ATP6V0A4: variants seen among roughly 807,000 people sequenced by gnomAD.
The protein encoded by ATP6V0A4 is ATPase H+ transporting V0 subunit a4, also known as V-type proton ATPase 116 kDa subunit a 4.
Under a neutral mutation model 107.3 loss-of-function variants are expected in ATP6V0A4, and 86 were observed. The ratio of observed to expected loss-of-function variants is 0.80; its 90% CI spans 0.67 to 0.96. The LOEUF (loss-of-function observed/expected upper bound fraction) is 0.96, where lower values mean the gene tolerates loss of function less well. ATP6V0A4 is among the 40% of genes least tolerant of loss of function. The pLI is 0.00. For missense variants in ATP6V0A4, 908 were observed against 1,045.6 expected, an observed-to-expected ratio of 0.87 and a Z score of 1.81; for synonymous variants, 353 against 381.4, an observed-to-expected ratio of 0.93 and a Z score of 0.87.
chr7:138,785,175 A>G (rs1005913998), intron 2 of ATP6V0A4, among the ~76,000 whole-genome samples: 1 of 152,252 alleles, frequency 6.6e-6, no homozygotes, highest in Non-Finnish European at 1.5e-5. Context: ...CTTTTCTAAA[A>G]AGAGCATCTG....
intron 14 of ATP6V0A4, among the ~76,000 whole-genome samples, chr7:138,740,746 T>A (rs2117259942): frequency 6.6e-6 from 1 of 151,574 alleles, no homozygotes; most frequent in South Asian, 2.1e-4. Flanking sequence ...GGCCCAGAAA[T>A]TTCTTACTCT....
chr7:138,716,987 T>C (rs1053616326), intron 19 of ATP6V0A4, among the ~76,000 whole-genome samples: 7 of 152,180 alleles, frequency 4.6e-5, no homozygotes, highest in African/African-American at 1.7e-4. Context: ...TGCAGTGGTA[T>C]CGTGGGAACA....
intron 20 of ATP6V0A4, among the ~76,000 whole-genome samples, chr7:138,710,858 G>C (rs1211076867): frequency 6.6e-6 from 1 of 152,076 alleles, no homozygotes; most frequent in African/African-American, 2.4e-5. Context: ...AGTTTCAGGG[G>C]ATTTACAGAA....
chr7:138,747,603 C>T (rs768480982), intron 12 of ATP6V0A4, 39 bp from the exon 13 acceptor site: 2 of 1,609,188 alleles, frequency 1.2e-6, no homozygotes, highest in Non-Finnish European at 1.7e-6. Flanking sequence ...GGCCTCAGCA[C>T]AGCCTCGGGG....
intron 1 of ATP6V0A4, among the ~76,000 whole-genome samples, chr7:138,792,885 A>T (rs2130235521): frequency 6.6e-6 from 1 of 152,022 alleles, no homozygotes; most frequent in South Asian, 2.1e-4. Flanking sequence ...GGTTTTAGAA[A>T]AGTTGAAAGT....
At chr7:138,771,302 T>C in intron 2 of ATP6V0A4, 38 bp from the exon 3 acceptor site, 2 of 1,604,552 alleles carry the variant, frequency 1.2e-6, no homozygotes, top group South Asian at 1.1e-5. Context: ...ATATTTAAGG[T>C]AATAAATGTG....
rs1032095358 is a variant in ATP6V0A4 at position 138,769,022 on chromosome 7, A to C, written c.197-148T>G. On this transcript the variant is annotated intron_variant, in intron 4 of 21. Transcript: ENST00000310018. ...CCACAGCACCTGGATCCCACCCCCA[A>C]CCTCCCCCATTCCCTCCAGGTGGGC... 9.6e-6 allele frequency: 15 copies of C among 1,562,780 alleles called. No homozygotes were observed. The Middle Eastern group carries it at 5.0e-4, about 52-fold the overall frequency.
At chr7:138,771,008 C>G in intron 3 of ATP6V0A4, 123 bp downstream of exon 3, 2 of 1,031,746 alleles carry the variant, frequency 1.9e-6, no homozygotes, top group East Asian at 4.8e-5. Context: ...AGAATTTCAT[C>G]GATTCCAGCT....
At chr7:138,735,999 T>TCA (rs1327181906) in intron 15 of ATP6V0A4, among the ~76,000 whole-genome samples, 1,702 of 151,236 alleles carry the variant, frequency 0.011, no homozygotes, top group Middle Eastern at 0.031. Flanking sequence ...ACCCAGGAGG[T>TCA]GGAGGCTGTG....
intron 14 of ATP6V0A4, among the ~76,000 whole-genome samples, chr7:138,744,385 G>A (rs1011668900): frequency 1.4e-4 from 21 of 151,580 alleles, no homozygotes; most frequent in Non-Finnish European, 1.6e-4. Flanking sequence ...TTACAGGCAT[G>A]TGCCACCATG....
intron 21 of ATP6V0A4, among the ~76,000 whole-genome samples, chr7:138,707,373 A>ATTTATATATATATTATATTATATATAT (rs1262732652): frequency 1.0e-5 from 1 of 97,682 alleles, no homozygotes; most frequent in South Asian, 2.9e-4. Context: ...TTATATATAT[A>ATTTATATATATATTATATTATATATAT]TTTATATATA....
At chr7:138,710,051 G>T (rs1803661045) in intron 20 of ATP6V0A4, among the ~76,000 whole-genome samples, 1 of 151,900 alleles carries the variant, frequency 6.6e-6, no homozygotes, top group South Asian at 2.1e-4. Context: ...TTTGAGACAG[G>T]TTCTCACTGT....
At position 138,749,277 on chromosome 7, in the gene ATP6V0A4, A is replaced by C; in HGVS notation, c.1070T>G (p.Val357Gly). 6.2e-7 allele frequency: 1 copy of C among 1,612,322 alleles called. No individual in the cohort carries two copies. Among genetic ancestry groups the C allele is most frequent in the Non-Finnish European group, 8.5e-7 (1 of 1,179,322 alleles). ...GSSMAPIMTTVQSKTAPPTFN... is the reference protein window; with the variant it reads ...GSSMAPIMTTGQSKTAPPTFN... ...TGTGGGAGGGGCTGTTTTAGATTGC[A>C]CTGTGGTCATGATGGGGGCCATGGA... Residue 357 changes from valine to glycine, a missense_variant, in exon 12 of 22, where the codon GTG becomes GGG. Physicochemically the swap from Val to Gly is moderately radical, Grantham distance 109. Transcript: ENST00000310018.
intron 3 of ATP6V0A4, among the ~76,000 whole-genome samples, chr7:138,770,274 A>G (rs1162091425): frequency 6.9e-6 from 1 of 145,764 alleles, no homozygotes; most frequent in Non-Finnish European, 1.5e-5. Context: ...GAAGGAAGAA[A>G]GGAAGGAAGG....
intron 2 of ATP6V0A4, among the ~76,000 whole-genome samples, chr7:138,778,052 CT>C (rs1325880685): frequency 1.3e-5 from 2 of 152,114 alleles, no homozygotes; most frequent in African/African-American, 4.8e-5. Context: ...ATAAAATTAC[CT>C]TCATGCTATG....
In ATP6V0A4 at chr7:138,769,177, G is replaced by C. The variant is rs758117225; in HGVS notation, c.192C>G (p.Ile64Met). Reference protein sequence around the residue: ...EVRRCESLERILRFLEDEMQN... With the variant: ...EVRRCESLERMLRFLEDEMQN... ...AAAAAAAAAAAATTGGCTTACGGAG[G>C]ATTCTCTCCAGTGATTCACACCTTC... is the stretch of plus-strand genomic sequence containing the variant. The change falls in exon 4 of 22, where the codon ATC becomes ATG. Residue 64 changes from isoleucine to methionine, a missense_variant. Coordinates refer to ENST00000310018, the MANE Select transcript of ATP6V0A4 (RefSeq NM_020632.3). The C allele has an allele frequency of 6.2e-7, 1 of 1,609,328 alleles. No individual in the cohort carries two copies. The highest frequency in any genetic ancestry group is 8.5e-7 in the Non-Finnish European group (1 of 1,179,720).
Position 138,734,177 on chromosome 7 carries a change from G to C in ATP6V0A4, c.1650C>G (p.Val550=). 3 of 1,613,722 alleles carry C rather than the reference G, an allele frequency of 1.9e-6. No individual in the cohort carries two copies. The highest frequency in any genetic ancestry group is 2.5e-6 in the Non-Finnish European group (3 of 1,179,726). ...KMKMSVILGI[V]QMVFGVILSL... ...TGAGGATGACACCGAAAACCATCTG[G>C]ACAATTCCCAGGATCACCGACATCT... Residue 550 remains valine (V), a synonymous_variant, in exon 16 of 22, where the codon GTC becomes GTG. Transcript: ENST00000310018.
At chr7:138,726,135 G>A (rs562622537) in intron 18 of ATP6V0A4, among the ~76,000 whole-genome samples, 1 of 151,916 alleles carries the variant, frequency 6.6e-6, no homozygotes, top group African/African-American at 2.4e-5. Flanking sequence ...GACTACAGGC[G>A]CCCGCCACCA....
Position 138,728,867 on chromosome 7 carries a change from A to G in ATP6V0A4, c.1909-5T>C. On this transcript the variant is annotated splice_region_variant and splice_polypyrimidine_tract_variant and intron_variant, in intron 17 of 21. Coordinates refer to ENST00000310018, the MANE Select transcript of ATP6V0A4 (RefSeq NM_020632.3). ...AAAGAAACTTTGGACTTCTTGCTGC[A>G]AGACCAAAATGGCGAGATCTCATCA... is the stretch of plus-strand genomic sequence containing the variant. The G allele has an allele frequency of 6.2e-7, 1 of 1,614,142 alleles. No individual in the cohort carries two copies. The highest frequency in any genetic ancestry group is 8.5e-7 in the Non-Finnish European group (1 of 1,180,036).
Sources: gnomAD v4.1 joint callset for allele counts (sites outside exome capture counted in the v4.1 genomes callset) on GRCh38, gnomAD v4.1.1 for gene constraint, MANE v1.5 for transcripts, NCBI Gene and HGNC (gene_info 2026-07-23, HGNC 2026-07-21) for gene names.